The following GPSM1 variants were observed in gnomAD, a reference collection of about 807,000 sequenced individuals.
GPSM1 encodes the protein G protein-signaling modulator 1.
GPSM1 carries 48 observed loss-of-function variants against 70.5 expected under a neutral mutation model. The observed-to-expected ratio is 0.68, with a 90% confidence interval of 0.54 to 0.87. The LOEUF (loss-of-function observed/expected upper bound fraction) is 0.87, where lower values mean the gene tolerates loss of function less well. Ranked by LOEUF, GPSM1 falls within the 40% of genes least tolerant of loss-of-function variation. The pLI, the probability that GPSM1 is intolerant of heterozygous loss-of-function variation, is 0.00. For synonymous variants in GPSM1, 416 were observed against 430.1 expected, an observed-to-expected ratio of 0.97 and a Z score of 0.41; for missense variants, 981 against 972.6, an observed-to-expected ratio of 1.01 and a Z score of -0.11.
Position 136,349,669 on chromosome 9 carries a change from A to G in GPSM1, c.1361A>G (p.Lys454Arg). The G allele has an allele frequency of 6.4e-7, 1 of 1,553,664 alleles. No individual in the cohort carries two copies. The highest frequency in any genetic ancestry group is 8.7e-7 in the Non-Finnish European group (1 of 1,148,550). ...CTACCCCTCCCCGTGAGGAGCAGGAAGTACCAGGAAGGCCCGGACGCTGAG... is the reference window on the plus strand; with the variant it reads ...CTACCCCTCCCCGTGAGGAGCAGGAGGTACCAGGAAGGCCCGGACGCTGAG... ...DSLPLPVRSR[K>R]YQEGPDAERR... is the part of the protein sequence containing the mutation. Residue 454 changes from lysine (K) to arginine (R), a missense_variant, in exon 11 of 14, where the codon AAG (lysine) becomes AGG (arginine). Lys to Arg is a conservative substitution (Grantham distance 26, BLOSUM62 2). Transcript: ENST00000440944.
rs375107438 is a variant in GPSM1, at chr9:136,358,122, C to T, written c.1930C>T (p.Arg644Cys). The T allele has an allele frequency of 1.9e-5, 30 of 1,611,808 alleles. 1 individual carries two copies. Among genetic ancestry groups the T allele is most frequent in the African/African-American group, 1.1e-4 (8 of 75,000 alleles). The change falls in exon 14 of 14, where the codon CGC becomes TGC. Residue 644 changes from arginine (R) to cysteine (C), a missense_variant. Transcript: ENST00000440944. Reference protein sequence around the residue: ...FSLIQRVQAKRMDEQRVDLAG... With the variant: ...FSLIQRVQAKCMDEQRVDLAG... ...CCTCATTCAGAGGGTGCAGGCTAAG[C>T]GCATGGACGAGCAGCGGGTGGACCT...
chr9:136,331,784 G>A (rs574183318), intron 1 of GPSM1, among the ~76,000 whole-genome samples: 42 of 152,182 alleles, frequency 2.8e-4, no homozygotes, highest in African/African-American at 1.0e-3. Context: ...CGCTGCTGAC[G>A]AGGCTGACCC....
At chr9:136,336,625 G>C (rs545378782) in intron 3 of GPSM1, among the ~76,000 whole-genome samples, 1 of 152,336 alleles carries the variant, frequency 6.6e-6, no homozygotes, top group African/African-American at 2.4e-5. Flanking sequence ...TGAGGCCGCA[G>C]CATCTGGTCC....
chr9:136,337,183 G>A, intron 4 of GPSM1, 111 bp downstream of exon 4: 5 of 1,123,016 alleles, frequency 4.5e-6, no homozygotes, highest in Non-Finnish European at 6.2e-6. Context: ...CAGCTCCCAG[G>A]GCAGTGACGG....
Position 136,357,573 on chromosome 9 carries a change from G to T in GPSM1, c.1822-441G>T, listed in dbSNP as rs528019390. Among the ~76,000 whole-genome samples, 16 of 152,356 alleles carry T rather than the reference G, an allele frequency of 1.1e-4. No individual in the cohort carries two copies. The East Asian group carries it at 3.1e-3, about 29-fold the overall frequency. On this transcript the variant is annotated intron_variant, in intron 13 of 13. Coordinates refer to ENST00000440944, the MANE Select transcript of GPSM1 (RefSeq NM_001145638.3). ...GAAGCCCTGGGGGGCGCCACACTTCGGGCTCTGGAAGCTGAGACCTCAGGC... is the reference window on the plus strand; with the variant it reads ...GAAGCCCTGGGGGGCGCCACACTTCTGGCTCTGGAAGCTGAGACCTCAGGC...
Position 136,341,434 on chromosome 9 carries a change from G to C in GPSM1, c.1207+441G>C. The C allele has an allele frequency of 1.4e-6, 2 of 1,398,122 alleles. No homozygotes were observed. Among genetic ancestry groups the C allele is most frequent in the Non-Finnish European group, 1.9e-6 (2 of 1,080,360 alleles). 86.6% of individuals were successfully genotyped at this position (1,398,122 alleles called of 1,614,324 possible). A position where few individuals can be genotyped will look rare whatever the true frequency, so the allele number is the denominator to read the frequency against. On this transcript the variant is annotated intron_variant, in intron 9 of 13. Coordinates refer to ENST00000440944, the MANE Select transcript of GPSM1 (RefSeq NM_001145638.3). This position sits in a 1 kb window ranked among gnomAD's most constrained non-coding sequence, Gnocchi z 6.7. The stretch of plus-strand genomic sequence containing the variant: ...TGTGCCTGGGGCAGTAATCAGGCAA[G>C]GCCCAAGGCCATGCGAGGCCACCGT...
In GPSM1 at chr9:136,356,337, C is replaced by A; in HGVS notation, c.1613-5C>A. ...TCCCAGGTCTCACCCTCTGGCCCCC[C>A]GCAGCCCAGCCCTCGATGACGGCCT... On this transcript the variant is annotated splice_region_variant and splice_polypyrimidine_tract_variant and intron_variant, in intron 12 of 13. Coordinates refer to ENST00000440944, the MANE Select transcript of GPSM1 (RefSeq NM_001145638.3). 2 of 1,566,342 alleles carry A rather than the reference C, an allele frequency of 1.3e-6. No individual in the cohort carries two copies. The highest frequency in any genetic ancestry group is 1.8e-5 in the Admixed American group (1 of 55,544).
intron 11 of GPSM1, among the ~76,000 whole-genome samples, chr9:136,353,598 C>T (rs1554772485): frequency 1.3e-5 from 2 of 152,228 alleles, no homozygotes; most frequent in African/African-American, 4.8e-5. Flanking sequence ...CAGCTGGCCC[C>T]AGCCTCAGGG....
intron 1 of GPSM1, 54 bp downstream of exon 1, chr9:136,327,817 G>A (rs1488882862): frequency 2.9e-5 from 21 of 719,526 alleles, no homozygotes; most frequent in African/African-American, 7.4e-5. Context: ...GACCGGGCCG[G>A]GTCGGGACGC....
At chr9:136,351,882 C>T (rs986975679) in intron 11 of GPSM1, among the ~76,000 whole-genome samples, 1 of 152,240 alleles carries the variant, frequency 6.6e-6, no homozygotes, top group Non-Finnish European at 1.5e-5. Context: ...GAGTAAGGAC[C>T]GTCTGCACCC....
chr9:136,354,968 C>T (rs546862806), intron 11 of GPSM1: 2 of 1,047,618 alleles, frequency 1.9e-6, no homozygotes, highest in Admixed American at 1.2e-4. Context: ...GAGGCCTGGA[C>T]TGGGGTAGCA....
rs1479708811 is a variant in GPSM1 at position 136,341,062 on chromosome 9, G to C, written c.1207+69G>C. On this transcript the variant is annotated intron_variant, in intron 9 of 13. Transcript: ENST00000440944. This position sits in a 1 kb window ranked among gnomAD's most constrained non-coding sequence, Gnocchi z 6.7. The stretch of plus-strand genomic sequence containing the variant: ...GGACCGCATCAGGAGCTGCGGAGGG[G>C]TGGGATCGAGGCCAGGCCAGCATGG... 1.9e-6 allele frequency: 3 copies of C among 1,552,090 alleles called. No individual in the cohort carries two copies. The highest frequency in any genetic ancestry group is 2.6e-6 in the Non-Finnish European group (3 of 1,148,038).
intron 6 of GPSM1, among the ~76,000 whole-genome samples, 181 bp downstream of exon 6, chr9:136,338,142 G>T (rs185252184): frequency 4.6e-5 from 7 of 152,214 alleles, no homozygotes; most frequent in Non-Finnish European, 8.8e-5. Context: ...GGAGGCAGGC[G>T]GTGGGGGAGC....
chr9:136,355,822 GC>G lies in GPSM1; in HGVS notation c.1593del (p.Thr532ProfsTer11), dbSNP rs1211947280. On this transcript the variant is annotated frameshift_variant, in exon 12 of 14. Transcript: ENST00000440944. LOFTEE classifies it high-confidence loss of function. ...GGCCGGGGCTGCCGAGGCCACGGCC[GC>G]CCCCACCCTGGAGGACAGGATCGGT... ...GQAGAAEATA[A>X]PTLEDRIAQP... 1.9e-6 allele frequency: 3 copies of G among 1,610,206 alleles called. No homozygotes were observed. The highest frequency in any genetic ancestry group is 2.5e-6 in the Non-Finnish European group (3 of 1,178,488).
Position 136,343,311 on chromosome 9 carries a change from C to A in GPSM1, c.1207+2318C>A, listed in dbSNP as rs1832440129. Among the ~76,000 whole-genome samples the A allele has an allele frequency of 6.6e-6, 1 of 151,784 alleles. No homozygotes were observed. The highest frequency in any genetic ancestry group is 1.5e-5 in the Non-Finnish European group (1 of 67,902). On this transcript the variant is annotated intron_variant, in intron 9 of 13. Coordinates refer to ENST00000440944, the MANE Select transcript of GPSM1 (RefSeq NM_001145638.3). The surrounding 1 kb of genome is among the most constrained non-coding windows in gnomAD (Gnocchi z 6.0). Reference sequence around the variant, plus strand: ...GCAGGACGGAGGCTCTGCTGCCACTCTTGGTGCGGGCAGCATGATTGGCAT... The same window carrying A: ...GCAGGACGGAGGCTCTGCTGCCACTATTGGTGCGGGCAGCATGATTGGCAT...
rs112255938 is a variant in GPSM1 at position 136,340,846 on chromosome 9, G to A, written c.1084-24G>A. 2.3e-5 allele frequency: 36 copies of A among 1,548,000 alleles called. No homozygotes were observed. The highest frequency in any genetic ancestry group is 8.2e-5 in the African/African-American group (6 of 73,496). On this transcript the variant is annotated intron_variant, in intron 8 of 13. Coordinates refer to ENST00000440944, the MANE Select transcript of GPSM1 (RefSeq NM_001145638.3). This position sits in a 1 kb window ranked among gnomAD's most constrained non-coding sequence, Gnocchi z 7.3. ...GCAGGGCCCCCAGCCACACCTGCCC[G>A]CTCCGCCACCCCACTCGCCGCAGAT...
Position 136,353,508 on chromosome 9 carries a change from C to G in GPSM1, c.1456-2182C>G, listed in dbSNP as rs576226034. Among the ~76,000 whole-genome samples the G allele has an allele frequency of 3.9e-5, 6 of 152,336 alleles. No individual in the cohort carries two copies. In the South Asian group the frequency reaches 1.2e-3, roughly 32 times the overall value. On this transcript the variant is annotated intron_variant, in intron 11 of 13. Transcript: ENST00000440944. ...CCCCAAACTATCCAGAGCCTTTCCC[C>G]GTACCAGGCACTGAGCCACGGTTTT...
Position 136,341,366 on chromosome 9 carries a change from AGGGC to A in GPSM1, c.1207+374_1207+377del. ...TGGGAGGCGAGAGGGCATCAGCCAGAGGGCTGGGCTGGGCTGGGCTGGGCTGGGC... is the reference window on the plus strand; with the variant it reads ...TGGGAGGCGAGAGGGCATCAGCCAGATGGGCTGGGCTGGGCTGGGCTGGGC... On this transcript the variant is annotated intron_variant, in intron 9 of 13. Transcript: ENST00000440944. This position sits in a 1 kb window ranked among gnomAD's most constrained non-coding sequence, Gnocchi z 6.7. 3 of 1,409,414 alleles carry A rather than the reference AGGGC, an allele frequency of 2.1e-6. No homozygotes were observed. Among genetic ancestry groups the A allele is most frequent in the Non-Finnish European group, 2.8e-6 (3 of 1,085,562 alleles). The allele number at this position is 1,409,414 out of a possible 1,614,324, so 87.3% of individuals were successfully genotyped here.
At position 136,349,775 on chromosome 9, in the gene GPSM1, T is replaced by C; in HGVS notation, c.1455+12T>C. On this transcript the variant is annotated intron_variant, in intron 11 of 13. Transcript: ENST00000440944. The stretch of plus-strand genomic sequence containing the variant: ...ACGTGCCACGCACGGTAGGCGTCTT[T>C]GACGGCAGATCCAGGCCGAGAGGGA... The C allele has an allele frequency of 6.4e-7, 1 of 1,560,636 alleles. No homozygotes were observed. Among genetic ancestry groups the C allele is most frequent in the Non-Finnish European group, 8.7e-7 (1 of 1,153,562 alleles).
Sources: gnomAD v4.1 joint callset for allele counts (sites outside exome capture counted in the v4.1 genomes callset) on GRCh38, gnomAD v4.1.1 for gene constraint, Gnocchi (gnomAD v3.1) non-coding constraint, MANE v1.5 for transcripts, NCBI Gene and HGNC (gene_info 2026-07-23, HGNC 2026-07-21) for gene names.